The following METTL8 variants were observed in gnomAD, a reference collection of about 807,000 sequenced individuals.
The protein encoded by METTL8 is tRNA N(3)-cytidine methyltransferase METTL8, mitochondrial.
In METTL8, 32 loss-of-function variants were observed where a neutral mutation model predicts 48.7. The observed-to-expected ratio is 0.66, with a 90% confidence interval of 0.50 to 0.88. The LOEUF (loss-of-function observed/expected upper bound fraction) is 0.88. Ranked by LOEUF, METTL8 falls within the 40% of genes least tolerant of loss-of-function variation. The probability of loss-of-function intolerance (pLI) is 0.00; values close to 1 mark genes in which losing one functional copy is unlikely to be tolerated. For synonymous variants in METTL8, 136 were observed against 157.1 expected (o/e 0.87, Z 1.01); for missense variants, 464 against 474.4 (o/e 0.98, Z 0.20).
rs146441630 is a variant in METTL8 at position 171,353,434 on chromosome 2, T to C, written c.235+6988A>G. Among the ~76,000 whole-genome samples the C allele has an allele frequency of 1.9e-3, 293 of 152,358 alleles. 7 individuals are homozygous for C. In the East Asian group the frequency reaches 0.029, roughly 15 times the overall value. ...AAGTGTGATGTGGTGCTGAGAAGAA[T>C]GTATGTTCTGTTGATCTGGGGTGGA... is the stretch of plus-strand genomic sequence containing the variant. On this transcript the variant is annotated intron_variant, in intron 3 of 9. Coordinates refer to ENST00000375258, the MANE Select transcript of METTL8 (RefSeq NM_001321154.2).
intron 2 of METTL8, among the ~76,000 whole-genome samples, chr2:171,390,333 C>CA (rs1559159962): frequency 6.6e-6 from 1 of 152,238 alleles, no homozygotes; most frequent in Non-Finnish European, 1.5e-5. Context: ...CCAACTAACA[C>CA]AATATCCATT....
At chr2:171,368,192 G>C (rs1239756019) in intron 2 of METTL8, among the ~76,000 whole-genome samples, 1 of 152,102 alleles carries the variant, frequency 6.6e-6, no homozygotes, top group African/African-American at 2.4e-5. Flanking sequence ...ATTGACCCTT[G>C]GGTACAAATC....
At chr2:171,348,638 G>C (rs968563716) in intron 3 of METTL8, among the ~76,000 whole-genome samples, 5 of 152,050 alleles carry the variant, frequency 3.3e-5, no homozygotes, top group Non-Finnish European at 5.9e-5. Context: ...GGGATCAGGG[G>C]GAGTACTGTA....
At chr2:171,413,007 A>C (rs1038433175) in intron 1 of METTL8, among the ~76,000 whole-genome samples, 1 of 152,230 alleles carries the variant, frequency 6.6e-6, no homozygotes, top group Non-Finnish European at 1.5e-5. Context: ...ATAAAATGAA[A>C]TGTGTCAACA....
At chr2:171,434,743 G>A (rs1284221086), upstream of METTL8, 6 of 1,393,110 alleles carry the variant, frequency 4.3e-6, no homozygotes, top group Admixed American at 7.3e-5. Flanking sequence ...AGGGCCGCGG[G>A]CGCGCGGCGG....
chr2:171,326,370 T>C (rs1684958160), intron 7 of METTL8: 1 of 471,842 alleles, frequency 2.1e-6, no homozygotes, highest in Non-Finnish European at 3.7e-6. Flanking sequence ...TATCAAGAAA[T>C]CACCCAAATG....
chr2:171,378,715 A>G (rs191626943), intron 2 of METTL8, among the ~76,000 whole-genome samples: 10 of 152,330 alleles, frequency 6.6e-5, no homozygotes, highest in South Asian at 4.1e-4. Context: ...TAACTATCCT[A>G]AATATATATG....
chr2:171,364,161 AC>A (rs1305390821), intron 2 of METTL8, among the ~76,000 whole-genome samples: 1 of 152,170 alleles, frequency 6.6e-6, no homozygotes, highest in Admixed American at 6.5e-5. Context: ...TTATATACAC[AC>A]AGGGTGAAGA....
intron 1 of METTL8, among the ~76,000 whole-genome samples, chr2:171,420,681 T>C (rs1043472263): frequency 6.6e-6 from 1 of 152,058 alleles, no homozygotes; most frequent in Non-Finnish European, 1.5e-5. Flanking sequence ...CTACAATGTA[T>C]AAAAAACAAA....
At chr2:171,397,982 A>G (rs1428856395) in intron 1 of METTL8, among the ~76,000 whole-genome samples, 1 of 152,232 alleles carries the variant, frequency 6.6e-6, no homozygotes, top group Non-Finnish European at 1.5e-5. Context: ...AACCCAGAAT[A>G]TAACAAGTAT....
intron 2 of METTL8, among the ~76,000 whole-genome samples, chr2:171,379,381 T>C (rs956501121): frequency 1.3e-5 from 2 of 151,532 alleles, no homozygotes; most frequent in Admixed American, 1.3e-4. Context: ...ATCTACAAGC[T>C]AGCGGAAGGC....
intron 1 of METTL8, among the ~76,000 whole-genome samples, chr2:171,415,349 CTTTTTTTTTTT>C (rs762739077): frequency 3.6e-5 from 4 of 112,400 alleles, no homozygotes; most frequent in African/African-American, 1.2e-4. Flanking sequence ...ATCTCGAAAT[CTTTTTTTTTTT>C]TTTTTTTTTT....
intron 3 of METTL8, among the ~76,000 whole-genome samples, chr2:171,343,729 T>TA (rs1294823989): frequency 6.6e-6 from 1 of 152,232 alleles, no homozygotes; most frequent in East Asian, 1.9e-4. Flanking sequence ...AGGTTTGAAT[T>TA]AGAGTAGTAT....
chr2:171,362,923 T>C (rs889350068), intron 2 of METTL8, among the ~76,000 whole-genome samples: 1 of 152,154 alleles, frequency 6.6e-6, no homozygotes, highest in African/African-American at 2.4e-5. Context: ...AAGTTATTTA[T>C]TGAAAAAACA....
chr2:171,377,051 A>C (rs1687046272), intron 2 of METTL8, among the ~76,000 whole-genome samples: 2 of 152,194 alleles, frequency 1.3e-5, no homozygotes, highest in South Asian at 4.1e-4. Flanking sequence ...AAATACTTAC[A>C]GCCAACTAAT....
chr2:171,431,845 C>T (rs1693061936), intron 1 of METTL8, among the ~76,000 whole-genome samples: 1 of 152,214 alleles, frequency 6.6e-6, no homozygotes, highest in Non-Finnish European at 1.5e-5. Flanking sequence ...TGTTAGCATG[C>T]TGTAACACCC....
In METTL8 at chr2:171,337,327, G is replaced by T. The variant is rs58721977; in HGVS notation, c.656+126C>A. 391 of 603,594 alleles carry T rather than the reference G, an allele frequency of 6.5e-4. 6 individuals carry two copies. The East Asian group carries it at 0.01, about 16-fold the overall frequency. The allele number at this position is 603,594 out of a possible 1,614,324, so 37.4% of individuals were successfully genotyped here. A position where few individuals can be genotyped will look rare whatever the true frequency, so the allele number is the denominator to read the frequency against. ...GATTAAGACATTTCTTTTGAAATTTGCTTGAGCCATTGTTCATATAAGAAT... is the reference window on the plus strand; with the variant it reads ...GATTAAGACATTTCTTTTGAAATTTTCTTGAGCCATTGTTCATATAAGAAT... On this transcript the variant is annotated intron_variant, in intron 5 of 9. Coordinates refer to ENST00000375258, the MANE Select transcript of METTL8 (RefSeq NM_001321154.2).
chr2:171,371,673 T>A (rs1339392665), intron 2 of METTL8, among the ~76,000 whole-genome samples: 2 of 151,280 alleles, frequency 1.3e-5, no homozygotes, highest in African/African-American at 2.4e-5. Context: ...AAGGTTTTTT[T>A]AAAAAAAACC....
chr2:171,346,663 G>C (rs1399072358), intron 3 of METTL8, among the ~76,000 whole-genome samples: 1 of 152,208 alleles, frequency 6.6e-6, no homozygotes, highest in Non-Finnish European at 1.5e-5. Context: ...TGTGATGGGA[G>C]AACACTGGCT....
Sources: allele counts gnomAD v4.1 joint callset (sites outside exome capture counted in the v4.1 genomes callset), GRCh38; gene constraint gnomAD v4.1.1; transcripts MANE v1.5; gene names NCBI Gene and HGNC (gene_info 2026-07-23, HGNC 2026-07-21).